The following CDH12 variants were observed in gnomAD, a reference collection of about 807,000 sequenced individuals.
CDH12 encodes cadherin 12, also known as cadherin-12.
In CDH12, 41 loss-of-function variants were observed where a neutral mutation model predicts 74.1. The ratio of observed to expected loss-of-function variants is 0.55; its 90% confidence interval spans 0.43 to 0.72. CDH12 has a LOEUF of 0.72. CDH12 is among the 30% of genes least tolerant of loss of function. CDH12 has a pLI of 0.00. For synonymous variants in CDH12, 399 were observed against 355.0 expected (o/e 1.12, Z -1.39); for missense variants, 945 against 977.2 (o/e 0.97, Z 0.44).
intron 5 of CDH12, among the ~76,000 whole-genome samples, chr5:22,010,928 G>A (rs892652075): frequency 1.3e-5 from 2 of 151,954 alleles, no homozygotes; most frequent in East Asian, 1.9e-4. Flanking sequence ...TTGAAGGGAT[G>A]TTTGACTTCA....
At chr5:22,420,133 C>T (rs1348876474) in intron 2 of CDH12, among the ~76,000 whole-genome samples, 1 of 152,050 alleles carries the variant, frequency 6.6e-6, no homozygotes, top group Admixed American at 6.6e-5. Flanking sequence ...TGTCTGTTCA[C>T]TCTGATGCTA....
At chr5:22,472,285 A>G (rs1320909645) in intron 2 of CDH12, among the ~76,000 whole-genome samples, 1 of 152,088 alleles carries the variant, frequency 6.6e-6, no homozygotes, top group Non-Finnish European at 1.5e-5. Context: ...ACTTTAGTCA[A>G]TGAGAGAGTT....
intron 1 of CDH12, among the ~76,000 whole-genome samples, chr5:22,641,292 G>A (rs1357946590): frequency 3.3e-5 from 5 of 152,114 alleles, no homozygotes; most frequent in Admixed American, 2.6e-4. Flanking sequence ...TGGGTTTGAG[G>A]GGGTACTAGT....
At chr5:22,710,741 G>C (rs1249460544) in intron 1 of CDH12, among the ~76,000 whole-genome samples, 1 of 152,058 alleles carries the variant, frequency 6.6e-6, no homozygotes, top group African/African-American at 2.4e-5. Context: ...TTGGTCTTTT[G>C]CTTATTCTAG....
rs573000601 is a variant in CDH12 at position 22,090,210 on chromosome 5, A to G, written c.-186-11348T>C. Among the ~76,000 whole-genome samples the G allele has an allele frequency of 2.0e-5, 3 of 152,100 alleles. No homozygotes were observed. The South Asian group carries it at 6.2e-4, about 31-fold the overall frequency. Reference sequence around the variant, plus strand: ...CAGTAAAGAAGAAACATCACTATCAACCTTCTAACAATTAAAAAACGTACT... The same window carrying G: ...CAGTAAAGAAGAAACATCACTATCAGCCTTCTAACAATTAAAAAACGTACT... On this transcript the variant is annotated intron_variant, in intron 4 of 14. Transcript: ENST00000382254.
chr5:22,525,735 T>C (rs139760841), intron 1 of CDH12, among the ~76,000 whole-genome samples: 77 of 152,212 alleles, frequency 5.1e-4, no homozygotes, highest in African/African-American at 1.8e-3. Context: ...GCTCTACTTG[T>C]GGGTACTGGG....
intron 1 of CDH12, among the ~76,000 whole-genome samples, chr5:22,716,611 TAA>T (rs34809327): frequency 1.4e-3 from 199 of 144,218 alleles, no homozygotes; most frequent in African/African-American, 3.5e-3. Context: ...CCTGAAAACT[TAA>T]AAAAAAAAAA....
At chr5:22,291,771 T>C (rs1256228929) in intron 3 of CDH12, among the ~76,000 whole-genome samples, 1 of 152,170 alleles carries the variant, frequency 6.6e-6, no homozygotes, top group African/African-American at 2.4e-5. Flanking sequence ...TAAATGCCTG[T>C]ACTCTCCAAA....
intron 6 of CDH12, among the ~76,000 whole-genome samples, chr5:21,902,724 A>G (rs1753449066): frequency 6.6e-6 from 1 of 152,160 alleles, no homozygotes; most frequent in Admixed American, 6.6e-5. Context: ...GACTAATATA[A>G]ATAAGAAACT....
At chr5:22,348,418 A>G (rs1442414631) in intron 3 of CDH12, among the ~76,000 whole-genome samples, 2 of 152,198 alleles carry the variant, frequency 1.3e-5, no homozygotes, top group African/African-American at 2.4e-5. Context: ...TGCTAATTTG[A>G]TTAGAGTATA....
At chr5:22,553,531 A>C (rs10473598) in intron 1 of CDH12, among the ~76,000 whole-genome samples, 24,434 of 152,104 alleles carry the variant, frequency 0.16, 2,532 homozygotes, top group East Asian at 0.37. Flanking sequence ...ATATTAATAC[A>C]TCCCAAAATG....
At chr5:22,476,114 G>A (rs1328181995) in intron 2 of CDH12, among the ~76,000 whole-genome samples, 9 of 151,862 alleles carry the variant, frequency 5.9e-5, no homozygotes, top group Admixed American at 5.9e-4. Context: ...AAATGATGTT[G>A]ACATTTTATG....
intron 3 of CDH12, among the ~76,000 whole-genome samples, chr5:22,392,946 C>T (rs1339593567): frequency 6.6e-6 from 1 of 152,150 alleles, no homozygotes; most frequent in Non-Finnish European, 1.5e-5. Context: ...TCAGGCTACT[C>T]TCTCGGTCAC....
At chr5:22,088,942 G>A (rs578191861) in intron 4 of CDH12, among the ~76,000 whole-genome samples, 2 of 152,194 alleles carry the variant, frequency 1.3e-5, no homozygotes, top group Admixed American at 6.5e-5. Context: ...CTGCACAAAG[G>A]GCTTAAATAA....
rs117497459 is a variant in CDH12, at chr5:22,550,001, C to T, written c.-522-44637G>A. Among the ~76,000 whole-genome samples the T allele has an allele frequency of 8.8e-4, 134 of 152,302 alleles. 1 individual carries two copies. The East Asian group carries it at 0.011, about 12-fold the overall frequency. On this transcript the variant is annotated intron_variant, in intron 1 of 14. Coordinates refer to ENST00000382254, the MANE Select transcript of CDH12 (RefSeq NM_004061.5). ...TTCCAGGTATTTTGCCCACAACTTC[C>T]TCTTACCAAGTGCTGTAGCCATGTC... is the stretch of plus-strand genomic sequence containing the variant.
intron 6 of CDH12, among the ~76,000 whole-genome samples, chr5:21,864,305 A>C (rs1751211022): frequency 6.6e-6 from 1 of 152,296 alleles, no homozygotes; most frequent in Non-Finnish European, 1.5e-5. Flanking sequence ...TTTTCAGAGA[A>C]GATTGCATGT....
intron 1 of CDH12, among the ~76,000 whole-genome samples, chr5:22,819,756 A>G (rs1749573083): frequency 6.6e-6 from 1 of 151,186 alleles, no homozygotes; most frequent in African/African-American, 2.4e-5. Context: ...TATAAAAATG[A>G]ACTCAAAATC....
intron 2 of CDH12, among the ~76,000 whole-genome samples, chr5:22,410,858 G>A (rs1477306057): frequency 2.0e-5 from 3 of 152,076 alleles, no homozygotes; most frequent in African/African-American, 7.2e-5. Flanking sequence ...TAAAAGAGGA[G>A]AGATAGCAGC....
intron 1 of CDH12, among the ~76,000 whole-genome samples, chr5:22,544,684 G>A: frequency 6.6e-6 from 1 of 152,002 alleles, no homozygotes; most frequent in Non-Finnish European, 1.5e-5. Context: ...AGGTGCAGTG[G>A]CACACGCCTG....
Sources: gnomAD v4.1 joint callset for allele counts (sites outside exome capture counted in the v4.1 genomes callset) on GRCh38, gnomAD v4.1.1 for gene constraint, MANE v1.5 for transcripts, NCBI Gene and HGNC (gene_info 2026-07-23, HGNC 2026-07-21) for gene names.